Variants in ATXN1 observed in about 807,000 individuals in gnomAD.
ATXN1 encodes ataxin-1.
A neutral mutation model predicts 56.4 loss-of-function variants in ATXN1; 8 were observed. The observed-to-expected ratio is 0.14, with a 90% CI of 0.08 to 0.26. The LOEUF (loss-of-function observed/expected upper bound fraction) is 0.26. Among genes scored for constraint, ATXN1 ranks in the 10% least tolerant of loss-of-function variants. ATXN1 has a pLI of 1.00. For missense variants in ATXN1, 987 were observed against 1,106.5 expected (o/e 0.89, Z 1.53); for synonymous variants, 514 against 494.6 (o/e 1.04, Z -0.52).
intron 7 of ATXN1, among the ~76,000 whole-genome samples, chr6:16,308,990 G>A (rs1457313108): frequency 6.6e-6 from 1 of 151,982 alleles, no homozygotes; most frequent in African/African-American, 2.4e-5. Context: ...ACTTTGGGAG[G>A]CTGAGACAGG....
At chr6:16,308,159 C>G (rs535481715) in intron 7 of ATXN1, among the ~76,000 whole-genome samples, 1 of 152,202 alleles carries the variant, frequency 6.6e-6, no homozygotes, top group South Asian at 2.1e-4. Context: ...AACCCTGTCC[C>G]TACTAAAAAT....
chr6:16,554,900 G>A (rs1484337733), intron 4 of ATXN1, among the ~76,000 whole-genome samples: 1 of 152,150 alleles, frequency 6.6e-6, no homozygotes, highest in East Asian at 1.9e-4. Flanking sequence ...CATGTCTACA[G>A]CCTTTAACGA....
intron 6 of ATXN1, among the ~76,000 whole-genome samples, chr6:16,414,280 T>C (rs1378428354): frequency 2.6e-5 from 4 of 152,220 alleles, no homozygotes; most frequent in African/African-American, 4.8e-5. Flanking sequence ...AATGAGGTGA[T>C]GAGACAGCAT....
chr6:16,743,919 G>C (rs1267973408), intron 2 of ATXN1, among the ~76,000 whole-genome samples: 2 of 152,182 alleles, frequency 1.3e-5, no homozygotes, highest in Non-Finnish European at 2.9e-5. Flanking sequence ...GGAGAGATAA[G>C]GAAGGTCCTC....
intron 6 of ATXN1, among the ~76,000 whole-genome samples, chr6:16,330,204 CTG>C (rs1554138345): frequency 6.6e-6 from 1 of 152,138 alleles, no homozygotes; most frequent in Non-Finnish European, 1.5e-5. Context: ...GCATGAGCCA[CTG>C]TGTGTAGCCA....
intron 2 of ATXN1, chr6:16,737,729 G>C (rs1052252528): frequency 6.6e-6 from 1 of 152,172 alleles, no homozygotes; most frequent in Non-Finnish European, 1.5e-5. Flanking sequence ...TGAAATCCCA[G>C]AAGAGAAGTA....
At chr6:16,747,067 G>A (rs988476015) in intron 2 of ATXN1, among the ~76,000 whole-genome samples, 1 of 151,726 alleles carries the variant, frequency 6.6e-6, no homozygotes, top group African/African-American at 2.4e-5. Context: ...GTAGGGTCCT[G>A]GAAGACTACT....
Position 16,748,706 on chromosome 6 carries a change from C to T in ATXN1, c.-615+4527G>A, listed in dbSNP as rs555031713. ...CTCATTAAATAATTGCAGACAAGAA[C>T]GATCTGCCCCTGGAGTTGTTTGCTC... is the stretch of plus-strand genomic sequence containing the variant. On this transcript the variant is annotated intron_variant, in intron 2 of 7. Transcript: ENST00000436367. 3.3e-5 allele frequency among the ~76,000 whole-genome samples: 5 copies of T among 152,160 alleles called. No individual in the cohort carries two copies. The South Asian group carries it at 6.2e-4, about 19-fold the overall frequency.
intron 5 of ATXN1, among the ~76,000 whole-genome samples, chr6:16,520,985 TGG>T (rs2113694729): frequency 6.6e-6 from 1 of 152,280 alleles, no homozygotes; most frequent in East Asian, 1.9e-4. Context: ...GCTGACAAGT[TGG>T]ATAAAATAAT....
intron 3 of ATXN1, among the ~76,000 whole-genome samples, chr6:16,636,378 T>C (rs927167189): frequency 6.6e-6 from 1 of 152,116 alleles, no homozygotes; most frequent in Non-Finnish European, 1.5e-5. Flanking sequence ...TCTGCCTACT[T>C]GTTTCTCCCC....
chr6:16,430,586 G>A (rs561088363), intron 6 of ATXN1, among the ~76,000 whole-genome samples: 54 of 152,192 alleles, frequency 3.5e-4, no homozygotes, highest in Non-Finnish European at 6.3e-4. Flanking sequence ...CTCAGCCAAA[G>A]AAAGCTTTTT....
intron 2 of ATXN1, among the ~76,000 whole-genome samples, chr6:16,704,664 G>A (rs547051123): frequency 5.9e-5 from 9 of 152,238 alleles, no homozygotes; most frequent in South Asian, 2.1e-4. Context: ...TTCTACACCC[G>A]GGGTGAAACA....
chr6:16,312,416 G>T (rs188645704), intron 7 of ATXN1, among the ~76,000 whole-genome samples: 1 of 151,816 alleles, frequency 6.6e-6, no homozygotes, highest in African/African-American at 2.4e-5. Context: ...TTGTTTAAAG[G>T]GTTTTACCCT....
At chr6:16,662,813 A>G (rs1361628689) in intron 2 of ATXN1, among the ~76,000 whole-genome samples, 2 of 152,296 alleles carry the variant, frequency 1.3e-5, no homozygotes, top group East Asian at 3.9e-4. Flanking sequence ...TCATTTAACT[A>G]TTAGAGAATT....
chr6:16,395,210 C>T (rs890447091), intron 6 of ATXN1, among the ~76,000 whole-genome samples: 4 of 133,044 alleles, frequency 3.0e-5, no homozygotes, highest in East Asian at 2.4e-4. Flanking sequence ...GTGGAGGTTG[C>T]GGTGAGCCAA....
At chr6:16,666,069 A>G (rs1758418385) in intron 2 of ATXN1, among the ~76,000 whole-genome samples, 1 of 152,190 alleles carries the variant, frequency 6.6e-6, no homozygotes, top group African/African-American at 2.4e-5. Context: ...GCTACTGAAC[A>G]CTAGCTCTTA....
intron 4 of ATXN1, among the ~76,000 whole-genome samples, chr6:16,527,496 G>C (rs572837898): frequency 6.6e-6 from 1 of 152,164 alleles, no homozygotes; most frequent in Non-Finnish European, 1.5e-5. Flanking sequence ...CAAAGGCGGA[G>C]ATGCAAAGTA....
intron 3 of ATXN1, among the ~76,000 whole-genome samples, chr6:16,611,590 A>T (rs1395900508): frequency 1.3e-5 from 2 of 152,192 alleles, no homozygotes; most frequent in African/African-American, 4.8e-5. Flanking sequence ...GGGGCAAAGG[A>T]ATACCAGGAA....
At chr6:16,514,491 C>T (rs1293103319) in intron 5 of ATXN1, among the ~76,000 whole-genome samples, 1 of 152,090 alleles carries the variant, frequency 6.6e-6, no homozygotes, top group Non-Finnish European at 1.5e-5. Flanking sequence ...ACTTTCTCGC[C>T]CACATTCAAA....
Sources: gnomAD v4.1 joint callset for allele counts (sites outside exome capture counted in the v4.1 genomes callset) on GRCh38, gnomAD v4.1.1 for gene constraint, MANE v1.5 for transcripts, NCBI Gene and HGNC (gene_info 2026-07-23, HGNC 2026-07-21) for gene names.